The following CACNG4 variants were observed in gnomAD, a reference collection of about 807,000 sequenced individuals.
CACNG4 encodes voltage-dependent calcium channel gamma-4 subunit.
A neutral mutation model predicts 22.9 loss-of-function variants in CACNG4; 8 were observed. The observed-to-expected ratio is 0.35, with a 90% confidence interval of 0.21 to 0.63. The LOEUF is 0.63. Among genes scored for constraint, CACNG4 ranks in the 30% least tolerant of loss-of-function variants. The probability of loss-of-function intolerance (pLI) is 0.72; values close to 1 mark genes in which losing one functional copy is unlikely to be tolerated. For synonymous variants in CACNG4, 188 were observed against 191.9 expected, an observed-to-expected ratio of 0.98 and a Z score of 0.17; for missense variants, 357 against 455.4, an observed-to-expected ratio of 0.78 and a Z score of 1.97.
In CACNG4 at chr17:67,030,156, TGTG is replaced by T. The variant is rs2035594061; in HGVS notation, c.446-309_446-307del. ...CTGTGCAAAGGAAATAATAGGGGTG[TGTG>T]TGTGTGTGTGTGTGAAGAGAGAAAT... On this transcript the variant is annotated intron_variant, in intron 3 of 3. Transcript: ENST00000262138. This position sits in a 1 kb window ranked among gnomAD's most constrained non-coding sequence, Gnocchi z 6.4. Among the ~76,000 whole-genome samples, 2 of 33,458 alleles carry T rather than the reference TGTG, an allele frequency of 6.0e-5. No homozygotes were observed. The highest frequency in any genetic ancestry group is 4.0e-3 in the South Asian group (2 of 502). The allele number at this position is 33,458 out of a possible 152,430, so 21.9% of individuals were successfully genotyped here.
chr17:66,985,157 C>T (rs1227841443), intron 1 of CACNG4, among the ~76,000 whole-genome samples: 1 of 152,170 alleles, frequency 6.6e-6, no homozygotes, highest in African/African-American at 2.4e-5. Flanking sequence ...CCTCATCCTG[C>T]CTTATCTGTT....
At chr17:67,009,538 C>T (rs979880539) in intron 1 of CACNG4, among the ~76,000 whole-genome samples, 2 of 152,302 alleles carry the variant, frequency 1.3e-5, no homozygotes, top group Middle Eastern at 3.4e-3. Context: ...AAGTCACGCC[C>T]TCCCTTAATC....
At chr17:66,965,808 C>T (rs1250853833) in intron 1 of CACNG4, among the ~76,000 whole-genome samples, 1 of 152,104 alleles carries the variant, frequency 6.6e-6, no homozygotes, top group African/African-American at 2.4e-5. Flanking sequence ...CGACGCCCGC[C>T]TCGTCTCCCA....
chr17:66,984,791 C>G lies in CACNG4; in HGVS notation c.220+19660C>G, dbSNP rs372112127. Among the ~76,000 whole-genome samples, 18 of 152,202 alleles carry G rather than the reference C, an allele frequency of 1.2e-4. No individual in the cohort carries two copies. Among genetic ancestry groups the G allele is most frequent in the East Asian group, 7.7e-4 (4 of 5,168 alleles). ...CACCCTGGATTCTTCACCCAGAAGGCGAAGCAGCAGGGGCAGAGTTTGACT... is the reference window on the plus strand; with the variant it reads ...CACCCTGGATTCTTCACCCAGAAGGGGAAGCAGCAGGGGCAGAGTTTGACT... On this transcript the variant is annotated intron_variant, in intron 1 of 3. Transcript: ENST00000262138. The surrounding 1 kb of genome is among the most constrained non-coding windows in gnomAD (Gnocchi z 4.0).
In CACNG4 at chr17:66,988,029, T is replaced by A. The variant is rs545379406; in HGVS notation, c.220+22898T>A. Among the ~76,000 whole-genome samples the A allele has an allele frequency of 5.9e-3, 888 of 149,678 alleles. 5 individuals are homozygous for A. The highest frequency in any genetic ancestry group is 0.021 in the African/African-American group (843 of 39,880). On this transcript the variant is annotated intron_variant, in intron 1 of 3. Coordinates refer to ENST00000262138, the MANE Select transcript of CACNG4 (RefSeq NM_014405.4). ...TGAGAGTGTGCTTTATGGCTATACA[T>A]CCTTTTTGTGTGTGTGTGTGTGTGT...
chr17:67,026,481 G>A (rs1051699765), intron 3 of CACNG4, among the ~76,000 whole-genome samples: 2 of 150,172 alleles, frequency 1.3e-5, no homozygotes, highest in Non-Finnish European at 3.0e-5. Flanking sequence ...ACTGTGGGGT[G>A]TGTCTGTATT....
At chr17:67,026,388 G>A (rs1229393277) in intron 3 of CACNG4, among the ~76,000 whole-genome samples, 2 of 151,344 alleles carry the variant, frequency 1.3e-5, no homozygotes, top group Non-Finnish European at 2.9e-5. Flanking sequence ...GTGTGTGTGT[G>A]TATTTGAGGA....
At position 67,025,016 on chromosome 17, in the gene CACNG4, G is replaced by A. The variant is rs187070398; in HGVS notation, c.445+16G>A. 4.5e-4 allele frequency: 714 copies of A among 1,573,638 alleles called. 1 individual carries two copies. The East Asian group carries it at 4.7e-3, about 10-fold the overall frequency. ...GTGGCTGCAGGTGAGCCGCCCGCCC[G>A]GGCTGGTGCTGGGCCGGGAGCTGGG... is the stretch of plus-strand genomic sequence containing the variant. On this transcript the variant is annotated intron_variant, in intron 3 of 3. Coordinates refer to ENST00000262138, the MANE Select transcript of CACNG4 (RefSeq NM_014405.4).
intron 3 of CACNG4, among the ~76,000 whole-genome samples, chr17:67,025,955 C>T (rs1176673354): frequency 2.6e-5 from 4 of 152,212 alleles, no homozygotes; most frequent in East Asian, 3.8e-4. Flanking sequence ...AATAAATAGA[C>T]GTGTGTGTGG....
chr17:67,014,123 C>T (rs372514746), intron 1 of CACNG4, among the ~76,000 whole-genome samples: 1 of 152,188 alleles, frequency 6.6e-6, no homozygotes, highest in Non-Finnish European at 1.5e-5. Flanking sequence ...CCAGCGACCC[C>T]TGTCTCCACC....
At chr17:66,996,330 A>G (rs956070566) in intron 1 of CACNG4, among the ~76,000 whole-genome samples, 4 of 150,344 alleles carry the variant, frequency 2.7e-5, no homozygotes, top group Non-Finnish European at 5.9e-5. Context: ...GGCCTCCTAG[A>G]TCCTGAGTCC....
chr17:67,014,214 A>G (rs943963092), intron 1 of CACNG4, among the ~76,000 whole-genome samples: 12 of 152,222 alleles, frequency 7.9e-5, no homozygotes, highest in African/African-American at 2.9e-4. Flanking sequence ...TAGATAGCAC[A>G]GCAAATGGCC....
chr17:67,015,505 T>G (rs1457745742), intron 1 of CACNG4, among the ~76,000 whole-genome samples: 2 of 152,184 alleles, frequency 1.3e-5, no homozygotes, highest in Non-Finnish European at 2.9e-5. Flanking sequence ...TTTTGCACGA[T>G]GTTGTCATGG....
intron 1 of CACNG4, among the ~76,000 whole-genome samples, chr17:67,007,193 A>C (rs2035442928): frequency 6.6e-6 from 1 of 151,874 alleles, no homozygotes; most frequent in Non-Finnish European, 1.5e-5. Context: ...CAAACAAAAA[A>C]CAAACCCAAA....
chr17:66,984,627 G>A lies in CACNG4; in HGVS notation c.220+19496G>A, dbSNP rs565411608. 3.9e-5 allele frequency among the ~76,000 whole-genome samples: 6 copies of A among 152,278 alleles called. No homozygotes were observed. Among genetic ancestry groups the A allele is most frequent in the Non-Finnish European group, 8.8e-5 (6 of 68,014 alleles). On this transcript the variant is annotated intron_variant, in intron 1 of 3. Transcript: ENST00000262138. This position sits in a 1 kb window ranked among gnomAD's most constrained non-coding sequence, Gnocchi z 4.0. Reference sequence around the variant, plus strand: ...GAACAGGGTTTGACCTTCTGGAGGAGAAAGATACTCCTGTATCTGCAGATT... The same window carrying A: ...GAACAGGGTTTGACCTTCTGGAGGAAAAAGATACTCCTGTATCTGCAGATT...
At chr17:66,967,077 A>C (rs931684912) in intron 1 of CACNG4, among the ~76,000 whole-genome samples, 3 of 152,050 alleles carry the variant, frequency 2.0e-5, no homozygotes, top group Non-Finnish European at 4.4e-5. Context: ...CCAGTTTCCC[A>C]GTGGAAATTC....
At chr17:67,005,815 G>A (rs929592808) in intron 1 of CACNG4, among the ~76,000 whole-genome samples, 2 of 152,178 alleles carry the variant, frequency 1.3e-5, no homozygotes, top group African/African-American at 2.4e-5. Flanking sequence ...TGGGGACAGG[G>A]CTCCTGCCCC....
chr17:67,020,815 T>C (rs906180797), intron 2 of CACNG4, among the ~76,000 whole-genome samples: 30 of 152,158 alleles, frequency 2.0e-4, no homozygotes, highest in African/African-American at 7.2e-4. Context: ...AGACTATGGC[T>C]CCTCAAAATA....
chr17:66,983,793 G>A (rs2035290397), intron 1 of CACNG4, among the ~76,000 whole-genome samples: 1 of 152,210 alleles, frequency 6.6e-6, no homozygotes, highest in African/African-American at 2.4e-5. Context: ...TTCACACCCA[G>A]GTTCTGGTTG....
Sources: gnomAD v4.1 joint callset for allele counts (sites outside exome capture counted in the v4.1 genomes callset) on GRCh38, gnomAD v4.1.1 for gene constraint, Gnocchi (gnomAD v3.1) non-coding constraint, MANE v1.5 for transcripts, NCBI Gene and HGNC (gene_info 2026-07-23, HGNC 2026-07-21) for gene names.